UBA1: variants seen among roughly 807,000 people sequenced by gnomAD.
UBA1 encodes the protein ubiquitin like modifier activating enzyme 1, also known as ubiquitin-like modifier-activating enzyme 1.
Under a neutral mutation model 84.7 loss-of-function variants are expected in UBA1, and 4 were observed. The ratio of observed to expected loss-of-function variants is 0.05; its 90% CI spans 0.02 to 0.11. The LOEUF (loss-of-function observed/expected upper bound fraction) is 0.11. Ranked by LOEUF, UBA1 falls within the 10% of genes least tolerant of loss-of-function variation. The probability of loss-of-function intolerance (pLI) is 1.00; values close to 1 mark genes in which losing one functional copy is unlikely to be tolerated. For missense variants in UBA1, 513 were observed against 902.8 expected, an observed-to-expected ratio of 0.57 and a Z score of 5.53; for synonymous variants, 364 against 362.6, an observed-to-expected ratio of 1.00 and a Z score of -0.04.
At chrX:47,198,013 T>A (rs180869234) in intron 1 of UBA1, 1 of 891,450 alleles carries the variant, frequency 1.1e-6, no homozygotes, top group Non-Finnish European at 1.4e-6. Flanking sequence ...TTAACCTGTT[T>A]AAGGGACTCC....
rs1007735665 is a variant in UBA1, at chrX:47,199,116, G to A, written c.176+10G>A. 8.2e-7 allele frequency: 1 copy of A among 1,212,411 alleles called. No individual in the cohort carries two copies. Among genetic ancestry groups the A allele is most frequent in the Non-Finnish European group, 1.1e-6 (1 of 895,629 alleles). On this transcript the variant is annotated intron_variant, in intron 3 of 25. Coordinates refer to ENST00000335972, the MANE Select transcript of UBA1 (RefSeq NM_003334.4). ...TTTACTCCCGGCAGCTGTAAGTGGG[G>A]CCAAGGCCGGGCTGAGGGGTGTGGA...
chrX:47,199,185 C>T (rs1936312684), intron 3 of UBA1, 24 bp from the exon 4 acceptor site: 1 of 1,212,226 alleles, frequency 8.2e-7, no homozygotes, highest in Non-Finnish European at 1.1e-6. Flanking sequence ...AGGCCCTGAC[C>T]TAGAGTACCC....
intron 16 of UBA1, chrX:47,209,066 G>A (rs1230188613): frequency 2.4e-5 from 3 of 125,958 alleles, no homozygotes; most frequent in Non-Finnish European, 4.8e-5. Context: ...ACTCCAGCTC[G>A]GGTGACAGTG....
At chrX:47,195,137 A>G (rs1556785045) in intron 1 of UBA1, among the ~76,000 whole-genome samples, 1 of 111,406 alleles carries the variant, frequency 9.0e-6, no homozygotes, top group East Asian at 2.8e-4. Context: ...AGATCGTTTC[A>G]AGGTCCCTAA....
At chrX:47,203,393 T>C in intron 13 of UBA1, 148 bp from the exon 14 acceptor site, 1 of 825,671 alleles carries the variant, frequency 1.2e-6, no homozygotes, top group Middle Eastern at 4.1e-4. Flanking sequence ...CTCACATGAC[T>C]GCGTGTCATT....
intron 18 of UBA1, among the ~76,000 whole-genome samples, chrX:47,210,558 T>G (rs1556793042): frequency 8.9e-6 from 1 of 111,970 alleles, no homozygotes; most frequent in African/African-American, 3.3e-5. Flanking sequence ...TTTATTAAAA[T>G]GAAGTTAGTA....
intron 17 of UBA1, 62 bp from the exon 18 acceptor site, chrX:47,209,866 C>T (rs1221751828): frequency 4.4e-5 from 52 of 1,168,778 alleles, no homozygotes; most frequent in Non-Finnish European, 5.6e-5. Flanking sequence ...TAAGATTGCT[C>T]TGGAGCCCAC....
chrX:47,197,175 C>T, intron 1 of UBA1: 3 of 755,140 alleles, frequency 4.0e-6, no homozygotes, highest in Non-Finnish European at 4.7e-6. Context: ...CTCCCCTCAT[C>T]TCCCATTCCT....
In UBA1 at chrX:47,197,761, C is replaced by T. The variant is rs893999888; in HGVS notation, c.1-1042C>T. 274 of 490,356 alleles carry T rather than the reference C, an allele frequency of 5.6e-4. 4 individuals carry two copies. The African/African-American group carries it at 6.5e-3, about 12-fold the overall frequency. 40.4% of individuals were successfully genotyped at this position (490,356 alleles called of 1,213,427 possible). On this transcript the variant is annotated intron_variant, in intron 1 of 25. Coordinates refer to ENST00000335972, the MANE Select transcript of UBA1 (RefSeq NM_003334.4). Reference sequence around the variant, plus strand: ...AAACGTGATAACACGAGGAAGCAGCCTGGGCTTCAGAGTCAGCAGATCCTG... The same window carrying T: ...AAACGTGATAACACGAGGAAGCAGCTTGGGCTTCAGAGTCAGCAGATCCTG...
rs189369139 is a variant in UBA1, at chrX:47,202,530, C to T, written c.1056+26C>T. On this transcript the variant is annotated intron_variant, in intron 10 of 25. Transcript: ENST00000335972. ...GTGGGTGAGTGGGCGAGCCAGCCAG[C>T]GCAGACATGCCTGGCACTGCAGGCT... The T allele has an allele frequency of 2.9e-4, 348 of 1,202,655 alleles. No individual in the cohort carries two copies. In the African/African-American group the frequency reaches 4.5e-3, roughly 15 times the overall value.
At chrX:47,202,111 T>C in intron 8 of UBA1, 45 bp from the exon 9 acceptor site, 1 of 1,098,623 alleles carries the variant, frequency 9.1e-7, no homozygotes, top group Non-Finnish European at 1.2e-6. Context: ...TTGTGGATTT[T>C]AGGGAGAATG....
chrX:47,200,969 C>G lies in UBA1; in HGVS notation c.556C>G (p.Leu186Val). 5.8e-6 allele frequency: 7 copies of G among 1,204,727 alleles called. No homozygotes were observed. The South Asian group carries it at 1.3e-4, about 22-fold the overall frequency. Reference protein sequence around the residue: ...GEFCHNRGIKLVVADTRGLFG... With the variant: ...GEFCHNRGIKVVVADTRGLFG... ...GTTCTGTCACAACCGTGGCATCAAG[C>G]TGGTGGTGGCAGACACGCGGGGCCT... The change falls in exon 6 of 26, where the codon CTG (leucine) becomes GTG (valine). Residue 186 changes from leucine to valine, a missense_variant. Physicochemically the swap from Leu to Val is conservative, Grantham distance 32 (BLOSUM62 1). Coordinates refer to ENST00000335972, the MANE Select transcript of UBA1 (RefSeq NM_003334.4).
intron 1 of UBA1, chrX:47,198,074 C>T: frequency 1.1e-6 from 1 of 902,346 alleles, no homozygotes; most frequent in Non-Finnish European, 1.4e-6. Context: ...TTTGCAACCT[C>T]TTTTATTGGT....
At chrX:47,208,594 A>C (rs930598312) in intron 16 of UBA1, 1 of 106,528 alleles carries the variant, frequency 9.4e-6, no homozygotes, top group African/African-American at 3.4e-5. Flanking sequence ...ATGGAGGCAT[A>C]ACATATCTAG....
chrX:47,206,599 C>T lies in UBA1; in HGVS notation c.1938+155C>T. On this transcript the variant is annotated intron_variant, in intron 16 of 25. Transcript: ENST00000335972. ...CCCTCCCTCACTTCCCACCAGGCAG[C>T]CTAGGTTTCTAGAATGACTCATTCT... 1.7e-5 allele frequency: 9 copies of T among 534,301 alleles called. No individual in the cohort carries two copies. In the South Asian group the frequency reaches 2.0e-4, roughly 12 times the overall value. The allele number at this position is 534,301 out of a possible 1,213,427, so 44.0% of individuals were successfully genotyped here.
chrX:47,214,178 G>A, intron 23 of UBA1, 149 bp from the exon 24 acceptor site: 1 of 524,003 alleles, frequency 1.9e-6, no homozygotes, highest in Non-Finnish European at 3.4e-6. Flanking sequence ...CATTGCTTAG[G>A]GTGAGATAGG....
At chrX:47,195,325 C>G (rs1049207257) in intron 1 of UBA1, among the ~76,000 whole-genome samples, 12 of 111,525 alleles carry the variant, frequency 1.1e-4, no homozygotes, top group African/African-American at 3.9e-4. Flanking sequence ...TCTCAGCTCA[C>G]TGCAACCTCC....
At chrX:47,195,264 C>T (rs1452860307) in intron 1 of UBA1, among the ~76,000 whole-genome samples, 4 of 110,614 alleles carry the variant, frequency 3.6e-5, no homozygotes, top group African/African-American at 1.3e-4. Context: ...TTCTTTTTTC[C>T]GAGACAGAAT....
intron 23 of UBA1, among the ~76,000 whole-genome samples, chrX:47,213,632 G>A (rs782702283): frequency 1.8e-5 from 2 of 112,391 alleles, no homozygotes; most frequent in South Asian, 3.6e-4. Flanking sequence ...TTGGGAGGCC[G>A]AGGCACGTGG....
Sources: gnomAD v4.1 joint callset for allele counts (sites outside exome capture counted in the v4.1 genomes callset) on GRCh38, gnomAD v4.1.1 for gene constraint, MANE v1.5 for transcripts, NCBI Gene and HGNC (gene_info 2026-07-23, HGNC 2026-07-21) for gene names.